The following ANAPC5 variants were observed in gnomAD, a reference collection of about 807,000 sequenced individuals.
The protein encoded by ANAPC5 is anaphase promoting complex subunit 5, also known as anaphase-promoting complex subunit 5.
A neutral mutation model predicts 91.3 loss-of-function variants in ANAPC5; 60 were observed. The observed-to-expected ratio is 0.66, with a 90% CI of 0.53 to 0.81. The LOEUF is 0.81. Among genes scored for constraint, ANAPC5 ranks in the 40% least tolerant of loss-of-function variants. The pLI is 0.00. For missense variants in ANAPC5, 690 were observed against 931.5 expected (o/e 0.74, Z 3.37); for synonymous variants, 340 against 364.1 (o/e 0.93, Z 0.75).
intron 7 of ANAPC5, chr12:121,333,478 A>G (rs1555273141): frequency 6.6e-6 from 1 of 152,246 alleles, no homozygotes; most frequent in African/African-American, 2.4e-5. Context: ...ACATAAAAAA[A>G]GAAAGGCTCT....
chr12:121,310,252 A>AGAG (rs1555270875), intron 15 of ANAPC5: 12 of 153,398 alleles, frequency 7.8e-5, no homozygotes, highest in East Asian at 1.9e-4. Flanking sequence ...TTAAAAAAAA[A>AGAG]AGAGAGAATT....
chr12:121,349,568 A>T (rs1903804550), intron 1 of ANAPC5, among the ~76,000 whole-genome samples: 1 of 151,744 alleles, frequency 6.6e-6, no homozygotes, highest in Admixed American at 6.6e-5. Context: ...CACCACTCTA[A>T]AAAAATTAAA....
chr12:121,335,454 C>G, intron 7 of ANAPC5, 79 bp downstream of exon 7: 1 of 1,480,638 alleles, frequency 6.8e-7, no homozygotes, highest in Non-Finnish European at 9.1e-7. Context: ...GCGTGAGCCA[C>G]CGCACCAGGC....
chr12:121,310,933 C>CAAAAAA (rs35742192), intron 15 of ANAPC5, among the ~76,000 whole-genome samples: 1 of 61,130 alleles, frequency 1.6e-5, no homozygotes, highest in Non-Finnish European at 3.7e-5. Flanking sequence ...GACTCCATCT[C>CAAAAAA]AAAAAAAAAA....
intron 11 of ANAPC5, among the ~76,000 whole-genome samples, chr12:121,321,486 C>G (rs1290836962): frequency 2.0e-5 from 3 of 149,368 alleles, no homozygotes; most frequent in Non-Finnish European, 4.4e-5. Flanking sequence ...TCCCGAGTAG[C>G]AGGGAATACA....
rs971899730 is a variant in ANAPC5, at chr12:121,319,746, A to C, written c.1588T>G (p.Ser530Ala). The change falls in exon 13 of 17, where the codon TCA (serine) becomes GCA (alanine). Residue 530 changes from serine (S) to alanine (A), a missense_variant. Around this residue, in one of 5 missense-constraint regions of ANAPC5, gnomAD observed 317 missense variants for 438.7 expected, o/e 0.72. Coordinates refer to ENST00000261819, the MANE Select transcript of ANAPC5 (RefSeq NM_016237.5). ...MNDGKYHLADSLVTGITALNS... is the reference protein window; with the variant it reads ...MNDGKYHLADALVTGITALNS... ...AGAGCTGTGATTCCTGTAACAAGTG[A>C]ATCAGCCAAATGATATTTGCCATCA... 3.7e-6 allele frequency: 6 copies of C among 1,612,986 alleles called. No homozygotes were observed. The African/African-American group carries it at 8.0e-5, about 22-fold the overall frequency.
intron 15 of ANAPC5, 119 bp downstream of exon 15, chr12:121,318,158 T>C: frequency 8.0e-7 from 1 of 1,246,822 alleles, no homozygotes; most frequent in Non-Finnish European, 1.0e-6. Context: ...AGACTACCTT[T>C]CCAGACGTCA....
chr12:121,331,131 T>C (rs1287542309), intron 8 of ANAPC5: 2 of 489,466 alleles, frequency 4.1e-6, no homozygotes, highest in Non-Finnish European at 7.4e-6. Flanking sequence ...TTAAACTTTG[T>C]AGAGCAGATA....
chr12:121,350,076 C>T (rs1323180709), intron 1 of ANAPC5, among the ~76,000 whole-genome samples: 2 of 152,032 alleles, frequency 1.3e-5, no homozygotes, highest in Non-Finnish European at 2.9e-5. Context: ...TAATAGCAGA[C>T]GTGGCTAGCC....
chr12:121,335,410 C>T, intron 7 of ANAPC5, 123 bp downstream of exon 7: 4 of 1,103,272 alleles, frequency 3.6e-6, no homozygotes, highest in Non-Finnish European at 3.8e-6. Context: ...ACGTGATCCA[C>T]CCGCCTTGGC....
At chr12:121,309,089 C>T (rs190667168) in intron 16 of ANAPC5, among the ~76,000 whole-genome samples, 470 of 141,928 alleles carry the variant, frequency 3.3e-3, no homozygotes, top group Non-Finnish European at 5.9e-3. Context: ...GCAGAGGTTG[C>T]AGTGAGCTGA....
At chr12:121,340,541 T>G (rs1903409138) in intron 5 of ANAPC5, among the ~76,000 whole-genome samples, 1 of 151,426 alleles carries the variant, frequency 6.6e-6, no homozygotes, top group South Asian at 2.1e-4. Context: ...CCGTAAATTT[T>G]TTTTTTTTTT....
Position 121,347,373 on chromosome 12 carries a change from T to C in ANAPC5, c.288-368A>G, listed in dbSNP as rs147971964. 1,212 of 270,224 alleles carry C rather than the reference T, an allele frequency of 4.5e-3. 11 individuals are homozygous for C. Among genetic ancestry groups the C allele is most frequent in the African/African-American group, 0.023 (1,007 of 44,000 alleles). 16.7% of individuals were successfully genotyped at this position (270,224 alleles called of 1,614,324 possible). A position where few individuals can be genotyped will look rare whatever the true frequency, so the allele number is the denominator to read the frequency against. On this transcript the variant is annotated intron_variant, in intron 2 of 16. Transcript: ENST00000261819. The stretch of plus-strand genomic sequence containing the variant: ...AGCCAGGTGCGGTTGCTCACACTTG[T>C]AATCCCAGCACTTTGCGAGGTGGAA...
intron 6 of ANAPC5, among the ~76,000 whole-genome samples, chr12:121,336,703 T>G (rs1471948992): frequency 2.0e-5 from 3 of 151,964 alleles, no homozygotes; most frequent in African/African-American, 7.3e-5. Flanking sequence ...ACAAACACTG[T>G]TTTTTGCATC....
Position 121,328,333 on chromosome 12 carries a change from C to T in ANAPC5, c.1287G>A (p.Trp429Ter). The change falls in exon 10 of 17, where the codon TGG becomes TGA. Residue 429 changes from tryptophan to a stop codon, truncating the protein, a stop_gained. Transcript: ENST00000261819. LOFTEE classifies it high-confidence loss of function. ...DISIAQKTAI[W>*]RLYGRSTMAL... ...AGACCTACCTGCGGCCATACAGCCT[C>T]CAGATGGCCGTTTTCTGTGCGATGC... 1 of 1,613,866 alleles carries T rather than the reference C, an allele frequency of 6.2e-7. No homozygotes were observed. Among genetic ancestry groups the T allele is most frequent in the Non-Finnish European group, 8.5e-7 (1 of 1,179,994 alleles).
chr12:121,333,942 C>T (rs1043799402), intron 7 of ANAPC5: 2 of 152,070 alleles, frequency 1.3e-5, no homozygotes, highest in East Asian at 3.9e-4. Flanking sequence ...GAGACTGTTC[C>T]CTCCCCACAC....
Position 121,342,613 on chromosome 12 carries a change from C to A in ANAPC5, c.591-544G>T, listed in dbSNP as rs573895637. On this transcript the variant is annotated intron_variant, in intron 4 of 16. Transcript: ENST00000261819. This position sits in a 1 kb window ranked among gnomAD's most constrained non-coding sequence, Gnocchi z 4.1. ...CGGTGGCTCACACCTGTAATCCCAGCACTTTGGGAGGCCAAGGCAGGTGGA... is the reference window on the plus strand; with the variant it reads ...CGGTGGCTCACACCTGTAATCCCAGAACTTTGGGAGGCCAAGGCAGGTGGA... 6.6e-6 allele frequency among the ~76,000 whole-genome samples: 1 copy of A among 152,192 alleles called. No homozygotes were observed. The highest frequency in any genetic ancestry group is 1.5e-5 in the Non-Finnish European group (1 of 68,036).
At chr12:121,312,572 T>C (rs529394480) in intron 15 of ANAPC5, among the ~76,000 whole-genome samples, 1 of 151,712 alleles carries the variant, frequency 6.6e-6, no homozygotes, top group East Asian at 1.9e-4. Flanking sequence ...CCTGGTGTGG[T>C]GGCACATGCC....
At position 121,352,342 on chromosome 12, in the gene ANAPC5, GCGGCCCGAGACTAAGTCTCGGGCC is replaced by G. The variant is rs1903928201; in HGVS notation, c.-26_-3del. The G allele has an allele frequency of 6.3e-7, 1 of 1,598,016 alleles. No homozygotes were observed. The highest frequency in any genetic ancestry group is 8.6e-7 in the Non-Finnish European group (1 of 1,168,292). ...GAGGCTCTCGTGGACGCTGGCCATG[GCGGCCCGAGACTAAGTCTCGGGCC>G]CGCGGCGCGCTGCCGCCAGTTGTCA... On this transcript the variant is annotated 5_prime_UTR_variant, in exon 1 of 17. Transcript: ENST00000261819.
Sources: gnomAD v4.1 joint callset for allele counts (sites outside exome capture counted in the v4.1 genomes callset) on GRCh38, gnomAD v4.1.1 for gene constraint, gnomAD v4.1.1 regional missense constraint, Gnocchi (gnomAD v3.1) non-coding constraint, MANE v1.5 for transcripts, NCBI Gene and HGNC (gene_info 2026-07-23, HGNC 2026-07-21) for gene names.